Variants in RSPH14 observed in about 807,000 individuals in gnomAD.
RSPH14 encodes the protein radial spoke head 14 homolog.
A neutral mutation model predicts 26.7 loss-of-function variants in RSPH14; 20 were observed. The ratio of observed to expected loss-of-function variants is 0.75; its 90% CI spans 0.53 to 1.09. The LOEUF is 1.09. Ranked by LOEUF, RSPH14 falls within the 50% of genes least tolerant of loss-of-function variation. The probability of loss-of-function intolerance (pLI) is 0.00; values close to 1 mark genes in which losing one functional copy is unlikely to be tolerated. For missense variants in RSPH14, 449 were observed against 457.2 expected, an observed-to-expected ratio of 0.98 and a Z score of 0.16; for synonymous variants, 177 against 189.3, an observed-to-expected ratio of 0.93 and a Z score of 0.53.
At chr22:23,099,111 C>T (rs950764534) in intron 4 of RSPH14, among the ~76,000 whole-genome samples, 4 of 152,340 alleles carry the variant, frequency 2.6e-5, no homozygotes, top group Admixed American at 2.0e-4. Context: ...GCTGGCAGTG[C>T]CTCCCCACCC....
chr22:23,135,879 C>T (rs2070470720), intron 3 of RSPH14: 1 of 152,328 alleles, frequency 6.6e-6, no homozygotes, highest in South Asian at 2.1e-4. Context: ...TCTCTGAGGG[C>T]TGGGTTCAGG....
the RSPH14 span, chr22:23,164,223 C>T: frequency 6.6e-6 from 1 of 152,360 alleles, no homozygotes; most frequent in Non-Finnish European, 1.5e-5. Context: ...TTCGGGCCTC[C>T]AGGATATGTT....
intron 4 of RSPH14, chr22:23,131,359 T>C (rs918451205): frequency 2.6e-5 from 6 of 229,086 alleles, no homozygotes; most frequent in East Asian, 2.0e-4. Flanking sequence ...TTTGGGGACA[T>C]AGTCACCAGA....
intron 4 of RSPH14, among the ~76,000 whole-genome samples, chr22:23,084,337 A>G (rs2068759301): frequency 6.6e-6 from 1 of 152,206 alleles, no homozygotes; most frequent in Non-Finnish European, 1.5e-5. Flanking sequence ...TAAATTCCAC[A>G]AGATACGGGT....
the RSPH14 span, chr22:23,164,384 C>T: frequency 6.6e-6 from 1 of 152,278 alleles, no homozygotes; most frequent in Admixed American, 6.5e-5. Flanking sequence ...CACACCCTGA[C>T]TGACATAGTT....
At chr22:23,119,114 G>T (rs1315471942) in intron 4 of RSPH14, among the ~76,000 whole-genome samples, 2 of 152,236 alleles carry the variant, frequency 1.3e-5, no homozygotes, top group African/African-American at 4.8e-5. Flanking sequence ...CAAATAGACG[G>T]CTCTGTTTTC....
chr22:23,096,304 G>A (rs772157907), intron 4 of RSPH14: 2 of 1,613,944 alleles, frequency 1.2e-6, no homozygotes, highest in East Asian at 2.2e-5. Flanking sequence ...TGGACGTGGG[G>A]GGGCAGAGGT....
At chr22:23,178,552 G>A in the RSPH14 span, among the ~76,000 whole-genome samples, 1 of 152,242 alleles carries the variant, frequency 6.6e-6, no homozygotes, top group East Asian at 1.9e-4. Context: ...TTTGCAGCCT[G>A]ATGGGAAGGG....
chr22:23,059,471 G>T lies in RSPH14; in HGVS notation c.1038C>A (p.Phe346Leu). 2 of 1,606,706 alleles carry T rather than the reference G, an allele frequency of 1.2e-6. No individual in the cohort carries two copies. The highest frequency in any genetic ancestry group is 1.7e-6 in the Non-Finnish European group (2 of 1,175,100). ...AARIAISVIE[F>L]KP ...GAGGTGAATGAAGGGCTCAGGGTTT[G>T]AACTCGATGACACTGATGGCGATCC... is the stretch of plus-strand genomic sequence containing the variant. The change falls in exon 7 of 7, where the codon TTC becomes TTA. Residue 346 changes from phenylalanine to leucine, a missense_variant. By Grantham distance (22) the Phe-to-Leu change is conservative. Coordinates refer to ENST00000216036, the MANE Select transcript of RSPH14 (RefSeq NM_014433.3).
chr22:23,143,267 G>A (rs1182159657), upstream of RSPH14, among the ~76,000 whole-genome samples: 2 of 149,664 alleles, frequency 1.3e-5, no homozygotes, highest in Non-Finnish European at 1.5e-5. Flanking sequence ...CCCCAGCCTG[G>A]GTGACAGAGT....
At chr22:23,139,247 G>C (rs916111361) in intron 2 of RSPH14, among the ~76,000 whole-genome samples, 2 of 152,214 alleles carry the variant, frequency 1.3e-5, no homozygotes, top group African/African-American at 4.8e-5. Context: ...AGAGATATGG[G>C]GTCAAATTAT....
At chr22:23,155,887 T>C in the RSPH14 span, 1 of 1,326,788 alleles carries the variant, frequency 7.5e-7, no homozygotes. Context: ...CTCCCACCCA[T>C]GGTCCCGTAG....
the RSPH14 span, among the ~76,000 whole-genome samples, chr22:23,169,073 G>A: frequency 6.6e-6 from 1 of 152,192 alleles, no homozygotes; most frequent in Non-Finnish European, 1.5e-5. Context: ...CCTGACTGCA[G>A]GGACCTCATC....
the RSPH14 span, among the ~76,000 whole-genome samples, chr22:23,157,344 G>T: frequency 1.3e-5 from 2 of 151,416 alleles, no homozygotes; most frequent in Non-Finnish European, 2.9e-5. Context: ...TCCGCCTCCC[G>T]CATTCACAAC....
chr22:23,060,081 A>G (rs1353077528), intron 6 of RSPH14, among the ~76,000 whole-genome samples: 1 of 152,164 alleles, frequency 6.6e-6, no homozygotes, highest in Non-Finnish European at 1.5e-5. Context: ...CAGGAGACTG[A>G]GCGGGGAGGA....
At chr22:23,174,964 T>C in the RSPH14 span, among the ~76,000 whole-genome samples, 1 of 150,048 alleles carries the variant, frequency 6.7e-6, no homozygotes, top group African/African-American at 2.4e-5. Flanking sequence ...CAAAACTCCG[T>C]CTCAAAAAAA....
At chr22:23,098,720 G>A (rs1360859600) in intron 4 of RSPH14, among the ~76,000 whole-genome samples, 1 of 152,264 alleles carries the variant, frequency 6.6e-6, no homozygotes, top group African/African-American at 2.4e-5. Flanking sequence ...TGCTCTACCA[G>A]TAATATCTGG....
chr22:23,146,654 G>C (rs867580501), upstream of RSPH14: 5 of 1,614,096 alleles, frequency 3.1e-6, no homozygotes, highest in African/African-American at 5.3e-5. Flanking sequence ...CCCCCTGTGA[G>C]CCGCGACCGT....
upstream of RSPH14, among the ~76,000 whole-genome samples, chr22:23,149,396 G>T (rs765340720): frequency 3.9e-5 from 6 of 152,330 alleles, no homozygotes; most frequent in Non-Finnish European, 8.8e-5. Flanking sequence ...GGTACGTGCA[G>T]TTTTTTCTGA....
Sources: gnomAD v4.1 joint callset for allele counts (sites outside exome capture counted in the v4.1 genomes callset) on GRCh38, gnomAD v4.1.1 for gene constraint, MANE v1.5 for transcripts, NCBI Gene and HGNC (gene_info 2026-07-23, HGNC 2026-07-21) for gene names.